The following SRD5A1 variants were observed in gnomAD, a reference collection of about 807,000 sequenced individuals.
SRD5A1 encodes steroid 5 alpha-reductase 1, also known as 3-oxo-5-alpha-steroid 4-dehydrogenase 1.
A neutral mutation model predicts 28.2 loss-of-function variants in SRD5A1; 22 were observed. The observed-to-expected ratio is 0.78, with a 90% CI of 0.56 to 1.12. The LOEUF (loss-of-function observed/expected upper bound fraction) is 1.12. Ranked by LOEUF, SRD5A1 falls within the 50% of genes most tolerant of loss-of-function variation. SRD5A1 has a pLI of 0.00. For missense variants in SRD5A1, 300 were observed against 346.7 expected, an observed-to-expected ratio of 0.87 and a Z score of 1.07; for synonymous variants, 151 against 135.0, an observed-to-expected ratio of 1.12 and a Z score of -0.82.
chr5:6,652,736 G>A (rs1289405598), intron 2 of SRD5A1, among the ~76,000 whole-genome samples: 1 of 151,928 alleles, frequency 6.6e-6, no homozygotes, highest in East Asian at 1.9e-4. Context: ...AGCTGGGCAT[G>A]GTGACACGCA....
Position 6,667,647 on chromosome 5 carries a change from AAAT to A in SRD5A1, c.714-551_714-549del, listed in dbSNP as rs1739225964. On this transcript the variant is annotated intron_variant, in intron 4 of 4. Transcript: ENST00000274192. ...TTGATACAATTTATATCAAAACGGA[AAAT>A]AATGTTTGTTTCGAGCACAAGGCTG... Among the ~76,000 whole-genome samples the A allele has an allele frequency of 3.3e-5, 5 of 152,206 alleles. No individual in the cohort carries two copies. In the South Asian group the frequency reaches 1.0e-3, roughly 32 times the overall value.
Position 6,674,373 on chromosome 5 carries a change from A to AG in SRD5A1, c.*6105_*6106insG, listed in dbSNP as rs1287182978. On this transcript the variant is annotated 3_prime_UTR_variant, in exon 5 of 5. Transcript: ENST00000274192. ...AAAAATTAAATCTATTAAAAAAAAA[A>AG]CTGAGTGGAAAAAGAGCGTTTTGCT... 1 of 152,226 alleles carries AG rather than the reference A, an allele frequency of 6.6e-6. No individual in the cohort carries two copies. The highest frequency in any genetic ancestry group is 1.9e-4 in the East Asian group (1 of 5,196). The allele number at this position is 152,226 out of a possible 1,614,324, so 9.4% of individuals were successfully genotyped here.
At chr5:6,655,030 A>G (rs981452435) in intron 2 of SRD5A1, among the ~76,000 whole-genome samples, 15 of 152,248 alleles carry the variant, frequency 9.9e-5, no homozygotes, top group African/African-American at 3.6e-4. Context: ...GGAAAAAAAA[A>G]TAAAAGCTGA....
chr5:6,663,022 C>A, intron 4 of SRD5A1, 56 bp downstream of exon 4: 1 of 1,582,508 alleles, frequency 6.3e-7, no homozygotes, highest in East Asian at 2.2e-5. Flanking sequence ...ATATTATTAC[C>A]ATTTTTCAGG....
chr5:6,656,722 G>A (rs145678240), intron 3 of SRD5A1, among the ~76,000 whole-genome samples: 69 of 152,206 alleles, frequency 4.5e-4, no homozygotes, highest in Non-Finnish European at 6.6e-4. Flanking sequence ...AAAATCTCAA[G>A]CCATAAATTA....
chr5:6,650,379 C>G (rs1350047878), intron 1 of SRD5A1, among the ~76,000 whole-genome samples: 1 of 149,180 alleles, frequency 6.7e-6, no homozygotes, highest in East Asian at 2.0e-4. Flanking sequence ...CCACTGCACT[C>G]TAGCCTGAGT....
chr5:6,654,206 C>A (rs187774691), intron 2 of SRD5A1, among the ~76,000 whole-genome samples: 1 of 151,992 alleles, frequency 6.6e-6, no homozygotes, highest in African/African-American at 2.4e-5. Context: ...GTGCATGCCA[C>A]TATGCCCAAC....
chr5:6,645,406 G>A, intron 1 of SRD5A1: 1 of 168,196 alleles, frequency 5.9e-6, no homozygotes, highest in Non-Finnish European at 1.3e-5. Flanking sequence ...TTGGGAGGTA[G>A]AGGCAGGTGG....
At chr5:6,642,940 T>TAATC (rs1156429012) in intron 1 of SRD5A1, among the ~76,000 whole-genome samples, 6 of 152,190 alleles carry the variant, frequency 3.9e-5, no homozygotes, top group African/African-American at 1.4e-4. Flanking sequence ...ACTATGGGCT[T>TAATC]AATCACACAC....
At chr5:6,645,154 GTGGCTTGAGGA>G (rs1738473447) in intron 1 of SRD5A1, 17 of 373,072 alleles carry the variant, frequency 4.6e-5, no homozygotes, top group Middle Eastern at 3.9e-4. Flanking sequence ...TGGGGAGAGA[GTGGCTTGAGGA>G]TGCACAGCCA....
At chr5:6,658,185 C>T (rs545663335) in intron 3 of SRD5A1, among the ~76,000 whole-genome samples, 17 of 152,150 alleles carry the variant, frequency 1.1e-4, no homozygotes, top group African/African-American at 2.9e-4. Context: ...ATTAGCTGGG[C>T]GTGGTGGCAC....
chr5:6,666,516 C>T (rs1473095789), intron 4 of SRD5A1, among the ~76,000 whole-genome samples: 1 of 152,152 alleles, frequency 6.6e-6, no homozygotes, highest in Non-Finnish European at 1.5e-5. Flanking sequence ...TATTTAAATT[C>T]ATAAATGATT....
chr5:6,647,554 T>C (rs1738542599), intron 1 of SRD5A1, among the ~76,000 whole-genome samples: 1 of 152,224 alleles, frequency 6.6e-6, no homozygotes, highest in Admixed American at 6.5e-5. Context: ...TTGACCTTTT[T>C]GGTTTAAAAT....
At position 6,669,659 on chromosome 5, in the gene SRD5A1, T is replaced by C. The variant is rs1355264769; in HGVS notation, c.*1391T>C. On this transcript the variant is annotated 3_prime_UTR_variant, in exon 5 of 5. Transcript: ENST00000274192. The stretch of plus-strand genomic sequence containing the variant: ...GGTTTTTTCAACTTCTTCTGTTTAC[T>C]ATCTACAGTGATTTGGAAAGGAGAT... The C allele has an allele frequency of 6.6e-6, 1 of 152,246 alleles. No homozygotes were observed. Among genetic ancestry groups the C allele is most frequent in the Non-Finnish European group, 1.5e-5 (1 of 68,042 alleles). The allele number at this position is 152,246 out of a possible 1,614,324, so 9.4% of individuals were successfully genotyped here.
Position 6,656,070 on chromosome 5 carries a change from T to C in SRD5A1, c.461-8T>C. Reference sequence around the variant, plus strand: ...AGCCATAATCATCTTGCAATTTTTTTCCTTTAGGTTTTGGCTTGTGGTTAA... The same window carrying C: ...AGCCATAATCATCTTGCAATTTTTTCCCTTTAGGTTTTGGCTTGTGGTTAA... On this transcript the variant is annotated splice_polypyrimidine_tract_variant and splice_region_variant and intron_variant, in intron 2 of 4. Transcript: ENST00000274192. 8 of 1,611,930 alleles carry C rather than the reference T, an allele frequency of 5.0e-6. No homozygotes were observed. Among genetic ancestry groups the C allele is most frequent in the Non-Finnish European group, 6.8e-6 (8 of 1,178,306 alleles).
At position 6,633,443 on chromosome 5, in the gene SRD5A1, T is replaced by G; in HGVS notation, c.-134T>G. 4 of 1,063,612 alleles carry G rather than the reference T, an allele frequency of 3.8e-6. No homozygotes were observed. Among genetic ancestry groups the G allele is most frequent in the Non-Finnish European group, 3.8e-6 (3 of 789,894 alleles). 65.9% of individuals were successfully genotyped at this position (1,063,612 alleles called of 1,614,324 possible). On this transcript the variant is annotated 5_prime_UTR_variant, in exon 1 of 5. Transcript: ENST00000274192. The stretch of plus-strand genomic sequence containing the variant: ...CGGAGAAGCCTGACTTGAGAACCCT[T>G]TCTGCAGAGTCCCGGCAGTGCGGGA...
In SRD5A1 at chr5:6,662,868, G is replaced by T; in HGVS notation, c.615G>T (p.Glu205Asp). Residue 205 changes from glutamate to aspartate, a missense_variant, in exon 4 of 5, where the codon GAG (glutamate) becomes GAT (aspartate). Transcript: ENST00000274192. The part of the protein sequence containing the change: ...TAANYFGEIM[E>D]WCGYALASWS... ...CCAACTATTTTGGAGAAATCATGGA[G>T]TGGTGTGGCTATGCCCTGGCCAGCT... 1 of 1,613,202 alleles carries T rather than the reference G, an allele frequency of 6.2e-7. No homozygotes were observed. Among genetic ancestry groups the T allele is most frequent in the Non-Finnish European group, 8.5e-7 (1 of 1,180,040 alleles).
In SRD5A1 at chr5:6,648,711, C is replaced by T. The variant is rs189672773; in HGVS notation, c.294-3131C>T. On this transcript the variant is annotated intron_variant, in intron 1 of 4. Transcript: ENST00000274192. ...CTTCCTTGCATTGGGTTAGAACATG[C>T]TCCTTTGGCTCAGAGGAGTTTGTTA... Among the ~76,000 whole-genome samples, 4 of 152,298 alleles carry T rather than the reference C, an allele frequency of 2.6e-5. No homozygotes were observed. The East Asian group carries it at 7.7e-4, about 29-fold the overall frequency.
At chr5:6,649,314 C>T (rs760309848) in intron 1 of SRD5A1, among the ~76,000 whole-genome samples, 7 of 152,318 alleles carry the variant, frequency 4.6e-5, no homozygotes, top group East Asian at 1.9e-4. Flanking sequence ...GCTGAAGCTG[C>T]GCCCAGAGCC....
Sources: gnomAD v4.1 joint callset for allele counts (sites outside exome capture counted in the v4.1 genomes callset) on GRCh38, gnomAD v4.1.1 for gene constraint, MANE v1.5 for transcripts, NCBI Gene and HGNC (gene_info 2026-07-23, HGNC 2026-07-21) for gene names.